SOX6: variants seen among roughly 807,000 people sequenced by gnomAD.
SOX6 encodes transcription factor SOX-6.
A neutral mutation model predicts 97.8 loss-of-function variants in SOX6; 11 were observed. The ratio of observed to expected loss-of-function variants is 0.11; its 90% CI spans 0.07 to 0.19. The LOEUF (loss-of-function observed/expected upper bound fraction) is 0.19, where lower values mean the gene tolerates loss of function less well. Among genes scored for constraint, SOX6 ranks in the 10% least tolerant of loss-of-function variants. The probability of loss-of-function intolerance (pLI) is 1.00; values close to 1 mark genes in which losing one functional copy is unlikely to be tolerated. For synonymous variants in SOX6, 360 were observed against 371.4 expected (o/e 0.97, Z 0.35); for missense variants, 810 against 1,039.5 (o/e 0.78, Z 3.04).
rs564017185 is a variant in SOX6, at chr11:16,603,649, C to T, written n.609+8432G>A. On this transcript the variant is annotated intron_variant and non_coding_transcript_variant, in intron 4 of 5. Coordinates refer to the SOX6 transcript ENST00000524520. ...GTCTTACTGGGTTGGTGCAGAGGGC[C>T]ACTAGCAGCCCTCCCCCACGAGTAG... Among the ~76,000 whole-genome samples, 150 of 152,124 alleles carry T rather than the reference C, an allele frequency of 9.9e-4. 1 individual carries two copies. The highest frequency in any genetic ancestry group is 1.4e-3 in the Non-Finnish European group (93 of 68,024).
intron 13 of SOX6, among the ~76,000 whole-genome samples, chr11:15,991,081 C>A (rs978342228): frequency 6.6e-6 from 1 of 152,092 alleles, no homozygotes; most frequent in Non-Finnish European, 1.5e-5. Flanking sequence ...GGCAGAAAGG[C>A]TACTTTCTGA....
chr11:16,185,629 T>G (rs1383222361), intron 5 of SOX6, among the ~76,000 whole-genome samples: 1 of 152,222 alleles, frequency 6.6e-6, no homozygotes, highest in Non-Finnish European at 1.5e-5. Flanking sequence ...CATTTAATTT[T>G]CATTTTGAAA....
At chr11:16,698,658 C>A (rs1848070945) in intron 3 of SOX6, among the ~76,000 whole-genome samples, 2 of 152,148 alleles carry the variant, frequency 1.3e-5, no homozygotes, top group South Asian at 4.1e-4. Flanking sequence ...AAGTGAGAGA[C>A]AACTCTTCCT....
At chr11:16,703,538 A>G (rs1371222785) in intron 3 of SOX6, among the ~76,000 whole-genome samples, 1 of 152,184 alleles carries the variant, frequency 6.6e-6, no homozygotes, top group Non-Finnish European at 1.5e-5. Context: ...TTGTCAAAGT[A>G]TTTCATAATA....
At chr11:16,477,479 A>C (rs186042984), upstream of SOX6, among the ~76,000 whole-genome samples, 1 of 152,310 alleles carries the variant, frequency 6.6e-6, no homozygotes, top group East Asian at 1.9e-4. Flanking sequence ...TAAATATCTA[A>C]CTCAGCCCTC....
chr11:16,095,746 T>C (rs1213047888), intron 9 of SOX6, among the ~76,000 whole-genome samples: 2 of 151,706 alleles, frequency 1.3e-5, no homozygotes, highest in East Asian at 3.9e-4. Flanking sequence ...ACACTTATAA[T>C]GTAAAGCTTT....
intron 4 of SOX6, among the ~76,000 whole-genome samples, chr11:16,225,490 A>C (rs1852659862): frequency 1.3e-5 from 2 of 152,002 alleles, no homozygotes; most frequent in Middle Eastern, 3.2e-3. Context: ...AAAAAAAAAA[A>C]AAAACAGAGT....
At chr11:16,284,779 T>G (rs1207680357) in intron 3 of SOX6, among the ~76,000 whole-genome samples, 1 of 152,182 alleles carries the variant, frequency 6.6e-6, no homozygotes, top group East Asian at 1.9e-4. Context: ...CACCCGCTAC[T>G]ATTTCCCTTG....
At chr11:16,417,557 C>G (rs1858947628) in intron 1 of SOX6, among the ~76,000 whole-genome samples, 1 of 152,018 alleles carries the variant, frequency 6.6e-6, no homozygotes, top group Admixed American at 6.6e-5. Flanking sequence ...AGGATAAGAA[C>G]CAGAATGCGG....
intron 1 of SOX6, among the ~76,000 whole-genome samples, chr11:16,380,990 T>C (rs1857797733): frequency 7.5e-6 from 1 of 132,626 alleles, no homozygotes; most frequent in African/African-American, 2.8e-5. Context: ...TTTAGATTCC[T>C]TGTCTTTAAA....
At chr11:16,684,826 G>A (rs1314403736) in intron 3 of SOX6, among the ~76,000 whole-genome samples, 7 of 152,144 alleles carry the variant, frequency 4.6e-5, no homozygotes, top group African/African-American at 1.7e-4. Flanking sequence ...AATGAAAAGA[G>A]GTTTACTTGT....
At chr11:16,692,267 C>T (rs902104645) in intron 3 of SOX6, among the ~76,000 whole-genome samples, 5 of 152,070 alleles carry the variant, frequency 3.3e-5, no homozygotes, top group African/African-American at 4.8e-5. Context: ...GACAGGGTTT[C>T]GCCATGTAGG....
At chr11:16,563,346 GAGAC>G (rs1847836523) in intron 4 of SOX6, among the ~76,000 whole-genome samples, 1 of 152,190 alleles carries the variant, frequency 6.6e-6, no homozygotes, top group Non-Finnish European at 1.5e-5. Flanking sequence ...TCAAGAGGCT[GAGAC>G]AGAAGGATAA....
chr11:16,306,165 A>G (rs893247656), intron 3 of SOX6, among the ~76,000 whole-genome samples: 1 of 152,228 alleles, frequency 6.6e-6, no homozygotes, highest in Non-Finnish European at 1.5e-5. Context: ...TTCAATGTCA[A>G]TAACCTGGTT....
At chr11:16,492,396 T>C (rs1860526608) in intron 4 of SOX6, among the ~76,000 whole-genome samples, 1 of 152,178 alleles carries the variant, frequency 6.6e-6, no homozygotes, top group South Asian at 2.1e-4. Flanking sequence ...TTCTGCTTCA[T>C]GACCTTCTCT....
At chr11:16,657,852 G>A (rs7482451) in intron 3 of SOX6, among the ~76,000 whole-genome samples, 152,164 of 152,318 alleles carry the variant, frequency 1, 76,005 homozygotes, top group Non-Finnish European at 1. Flanking sequence ...GTATTCTAAG[G>A]GTTCCTTATA....
chr11:16,288,100 A>G (rs1327864254), intron 3 of SOX6, among the ~76,000 whole-genome samples: 1 of 152,046 alleles, frequency 6.6e-6, no homozygotes, highest in Non-Finnish European at 1.5e-5. Flanking sequence ...ATTTCACCTG[A>G]AAAATGTTCA....
chr11:15,986,429 A>T lies in SOX6; in HGVS notation c.1967-9T>A. The T allele has an allele frequency of 1.2e-6, 2 of 1,613,906 alleles. No homozygotes were observed. Among genetic ancestry groups the T allele is most frequent in the Non-Finnish European group, 1.7e-6 (2 of 1,179,892 alleles). ...TGATTTCCAGCGAGATCCTAGAAAT[A>T]AAAATAGCCTTAAGTACCCAAGTGG... is the stretch of plus-strand genomic sequence containing the variant. On this transcript the variant is annotated splice_polypyrimidine_tract_variant and intron_variant, in intron 14 of 15. Transcript: ENST00000683767.
intron 1 of SOX6, chr11:16,397,438 C>T (rs1216204207): frequency 6.6e-6 from 1 of 151,796 alleles, no homozygotes; most frequent in East Asian, 1.9e-4. Flanking sequence ...AAGATTAATT[C>T]CAAGTTTTCT....
Sources: gnomAD v4.1 joint callset for allele counts (sites outside exome capture counted in the v4.1 genomes callset) on GRCh38, gnomAD v4.1.1 for gene constraint, MANE v1.5 for transcripts, NCBI Gene and HGNC (gene_info 2026-07-23, HGNC 2026-07-21) for gene names.